The following DMD variants were observed in gnomAD, a reference collection of about 807,000 sequenced individuals.
The protein encoded by DMD is mutant dystrophin.
DMD carries 63 observed loss-of-function variants against 330.1 expected under a neutral mutation model. That is an observed-to-expected ratio of 0.19 (90% CI 0.16 to 0.24). DMD has a LOEUF of 0.24. DMD is among the 10% of genes least tolerant of loss of function. The probability of loss-of-function intolerance (pLI) is 1.00; values close to 1 mark genes in which losing one functional copy is unlikely to be tolerated. For synonymous variants in DMD, 1,223 were observed against 959.8 expected (o/e 1.27, Z -5.07); for missense variants, 3,344 against 2,684.1 (o/e 1.25, Z -5.43).
chrX:32,262,105 T>G (rs752018333), intron 43 of DMD, among the ~76,000 whole-genome samples: 167 of 111,825 alleles, frequency 1.5e-3, no homozygotes, highest in South Asian at 5.2e-3. Flanking sequence ...TGATAGTATC[T>G]TTAAATACAT....
intron 9 of DMD, among the ~76,000 whole-genome samples, chrX:32,693,664 T>A (rs1183663866): frequency 8.9e-6 from 1 of 111,940 alleles, no homozygotes; most frequent in African/African-American, 3.3e-5. Context: ...GGTCTCAAAC[T>A]CCTAGCCTCA....
At chrX:32,632,085 A>C (rs2058769571) in intron 11 of DMD, among the ~76,000 whole-genome samples, 1 of 112,314 alleles carries the variant, frequency 8.9e-6, no homozygotes, top group African/African-American at 3.2e-5. Flanking sequence ...GTTACTTCCA[A>C]GATACAATGG....
intron 1 of DMD, among the ~76,000 whole-genome samples, chrX:33,237,683 G>T (rs1253186903): frequency 9.0e-6 from 1 of 111,487 alleles, no homozygotes; most frequent in Non-Finnish European, 1.9e-5. Flanking sequence ...AAGTGGGCAC[G>T]GATATATTAA....
intron 4 of DMD, among the ~76,000 whole-genome samples, chrX:32,833,949 A>G (rs2079377750): frequency 9.0e-6 from 1 of 110,945 alleles, no homozygotes; most frequent in Non-Finnish European, 1.9e-5. Flanking sequence ...CACCCAGAAA[A>G]TTATTTTAAA....
chrX:32,921,252 G>A (rs764620331), intron 2 of DMD, among the ~76,000 whole-genome samples: 22 of 111,676 alleles, frequency 2.0e-4, no homozygotes, highest in Non-Finnish European at 5.7e-5. Flanking sequence ...CCTAGAGACT[G>A]GTTCCCATCT....
chrX:32,166,624 C>G (rs12014897), intron 44 of DMD, among the ~76,000 whole-genome samples: 45,079 of 110,403 alleles, frequency 0.41, 7,584 homozygotes, highest in African/African-American at 0.62. Context: ...CTTGAAAGGA[C>G]AGCGTTTGTC....
intron 65 of DMD, among the ~76,000 whole-genome samples, chrX:31,207,185 A>G (rs910100190): frequency 1.8e-5 from 2 of 111,765 alleles, no homozygotes; most frequent in East Asian, 5.5e-4. Context: ...TTCAGGCCAC[A>G]TAACACATAA....
intron 47 of DMD, among the ~76,000 whole-genome samples, chrX:31,910,986 A>C (rs1246110862): frequency 8.9e-6 from 1 of 112,391 alleles, no homozygotes; most frequent in African/African-American, 3.2e-5. Context: ...CCACATAGGT[A>C]CAGACTTGTT....
intron 2 of DMD, among the ~76,000 whole-genome samples, chrX:32,882,093 G>A (rs1386952933): frequency 9.0e-5 from 10 of 111,510 alleles, no homozygotes; most frequent in East Asian, 5.6e-4. Context: ...CAGCTTCATC[G>A]CCCCTGCTGC....
intron 52 of DMD, among the ~76,000 whole-genome samples, chrX:31,719,802 T>C (rs889397582): frequency 9.0e-6 from 1 of 111,335 alleles, no homozygotes; most frequent in African/African-American, 3.3e-5. Context: ...AGTAGTCCCA[T>C]GGAGGAACTC....
At chrX:31,950,383 T>C (rs1050957042) in intron 45 of DMD, among the ~76,000 whole-genome samples, 72 of 111,419 alleles carry the variant, frequency 6.5e-4, no homozygotes, top group African/African-American at 2.2e-3. Context: ...TTGAGTGTAT[T>C]GAGATTTGTT....
chrX:32,197,885 A>C lies in DMD; in HGVS notation c.6438+19031T>G, dbSNP rs984701295. Among the ~76,000 whole-genome samples, 9 of 111,450 alleles carry C rather than the reference A, an allele frequency of 8.1e-5. No individual in the cohort carries two copies. The East Asian group carries it at 2.5e-3, about 31-fold the overall frequency. On this transcript the variant is annotated intron_variant, in intron 44 of 78. Coordinates refer to ENST00000357033, the MANE Select transcript of DMD (RefSeq NM_004006.3). ...TCTTAGTAATTTTCGAAAACATATTATTATTAATTATAGTCACTATGTCGT... is the reference window on the plus strand; with the variant it reads ...TCTTAGTAATTTTCGAAAACATATTCTTATTAATTATAGTCACTATGTCGT...
intron 43 of DMD, among the ~76,000 whole-genome samples, chrX:32,229,082 T>C (rs199521352): frequency 1.1e-5 from 1 of 90,725 alleles, no homozygotes; most frequent in Non-Finnish European, 2.3e-5. Context: ...TAGTGTATGT[T>C]TTTTGTTTCT....
rs1397315474 is a variant in DMD at position 32,831,893 on chromosome X, C to A, written c.265-8506G>T. On this transcript the variant is annotated intron_variant, in intron 4 of 78. Coordinates refer to ENST00000357033, the MANE Select transcript of DMD (RefSeq NM_004006.3). ...AGTTATATCTCATTCACAGGGGAAC[C>A]ATCATCTTTATAATATATGGTGTCT... Among the ~76,000 whole-genome samples the A allele has an allele frequency of 2.7e-5, 3 of 110,832 alleles. No individual in the cohort carries two copies. The East Asian group carries it at 8.4e-4, about 31-fold the overall frequency.
At chrX:32,150,878 C>T (rs918442404) in intron 44 of DMD, among the ~76,000 whole-genome samples, 3 of 111,098 alleles carry the variant, frequency 2.7e-5, no homozygotes, top group African/African-American at 9.8e-5. Context: ...GGAAAGAGAG[C>T]TATATCAGGT....
chrX:32,672,371 C>T (rs1224594811), intron 9 of DMD, among the ~76,000 whole-genome samples: 1 of 111,228 alleles, frequency 9.0e-6, no homozygotes. Flanking sequence ...CACACACACA[C>T]TTTCAAATAC....
rs1428887016 is a variant in DMD, at chrX:32,454,654, T to TA, written c.3603+7_3603+8insT. ...TGTTTTACTTAGTTTTTCTTTTTTTTTTTTTACCTTCATCTCTTCAACTGC... is the reference window on the plus strand; with the variant it reads ...TGTTTTACTTAGTTTTTCTTTTTTTTATTTTTACCTTCATCTCTTCAACTGC... On this transcript the variant is annotated splice_region_variant and intron_variant, in intron 26 of 78. Coordinates refer to ENST00000357033, the MANE Select transcript of DMD (RefSeq NM_004006.3). 9.5e-6 allele frequency: 11 copies of TA among 1,158,121 alleles called. No homozygotes were observed. The highest frequency in any genetic ancestry group is 3.0e-5 in the East Asian group (1 of 33,305).
intron 44 of DMD, among the ~76,000 whole-genome samples, chrX:32,103,568 T>G (rs753184174): frequency 1.8e-5 from 2 of 112,115 alleles, no homozygotes; most frequent in Admixed American, 1.9e-4. Context: ...CTGAAGTGCC[T>G]GTAATGACTA....
rs188450267 is a variant in DMD, at chrX:32,173,652, T to C, written c.6438+43264A>G. ...TCCCAAAGTGCTGGGATTACAGGTG[T>C]GAGCCACCGCAACCAGCCTCCTAAA... On this transcript the variant is annotated intron_variant, in intron 44 of 78. Coordinates refer to ENST00000357033, the MANE Select transcript of DMD (RefSeq NM_004006.3). Among the ~76,000 whole-genome samples, 446 of 111,630 alleles carry C rather than the reference T, an allele frequency of 4.0e-3. 4 individuals carry two copies. The highest frequency in any genetic ancestry group is 0.035 in the East Asian group (125 of 3,534).
Sources: gnomAD v4.1 joint callset for allele counts (sites outside exome capture counted in the v4.1 genomes callset) on GRCh38, gnomAD v4.1.1 for gene constraint, MANE v1.5 for transcripts, NCBI Gene and HGNC (gene_info 2026-07-23, HGNC 2026-07-21) for gene names.